DOCK3: variants seen among roughly 807,000 people sequenced by gnomAD.
The protein encoded by DOCK3 is dedicator of cytokinesis 3.
DOCK3 carries 60 observed loss-of-function variants against 265.6 expected under a neutral mutation model. The observed-to-expected ratio is 0.23, with a 90% confidence interval of 0.18 to 0.28. The LOEUF is 0.28. Among genes scored for constraint, DOCK3 ranks in the 10% least tolerant of loss-of-function variants. DOCK3 has a pLI of 1.00. For synonymous variants in DOCK3, 881 were observed against 938.0 expected, an observed-to-expected ratio of 0.94 and a Z score of 1.11; for missense variants, 1,981 against 2,594.3, an observed-to-expected ratio of 0.76 and a Z score of 5.14.
chr3:50,830,598 G>A (rs1240466130), intron 2 of DOCK3, among the ~76,000 whole-genome samples: 1 of 152,048 alleles, frequency 6.6e-6, no homozygotes, highest in Non-Finnish European at 1.5e-5. Context: ...TTTGTAAAGG[G>A]TTGCTGATTG....
chr3:51,055,019 T>C (rs2081146967), intron 5 of DOCK3, among the ~76,000 whole-genome samples: 1 of 152,232 alleles, frequency 6.6e-6, no homozygotes, highest in Non-Finnish European at 1.5e-5. Flanking sequence ...GAATGAGGCA[T>C]TAAAATGTTG....
intron 1 of DOCK3, among the ~76,000 whole-genome samples, chr3:50,744,560 G>A (rs201139046): frequency 6.6e-6 from 1 of 151,620 alleles, no homozygotes; most frequent in Non-Finnish European, 1.5e-5. Flanking sequence ...CAGTCTCCTA[G>A]GTAGCTGGGA....
intron 1 of DOCK3, among the ~76,000 whole-genome samples, chr3:50,697,706 T>A (rs1440020429): frequency 6.6e-6 from 1 of 152,246 alleles, no homozygotes; most frequent in African/African-American, 2.4e-5. Context: ...ATTATTGTTA[T>A]GGACTCATGG....
chr3:50,692,508 A>T (rs1212824039), intron 1 of DOCK3, among the ~76,000 whole-genome samples: 1 of 152,200 alleles, frequency 6.6e-6, no homozygotes, highest in African/African-American at 2.4e-5. Flanking sequence ...CTCAGGAGAT[A>T]ATGCTTGTTC....
At chr3:50,918,410 C>G (rs1474684442) in intron 4 of DOCK3, among the ~76,000 whole-genome samples, 2 of 152,166 alleles carry the variant, frequency 1.3e-5, no homozygotes, top group Admixed American at 1.3e-4. Context: ...TCCACATCCT[C>G]TCCAGCACCT....
chr3:50,971,071 C>A (rs2077220723), intron 5 of DOCK3, among the ~76,000 whole-genome samples: 1 of 144,374 alleles, frequency 6.9e-6, no homozygotes, highest in African/African-American at 2.6e-5. Context: ...CTCAAGTGAT[C>A]CTCTGGCTTT....
intron 5 of DOCK3, among the ~76,000 whole-genome samples, chr3:51,007,873 A>G (rs2078751315): frequency 6.6e-6 from 1 of 152,198 alleles, no homozygotes; most frequent in Admixed American, 6.5e-5. Flanking sequence ...TTTATTACAT[A>G]GAGAATCCTT....
chr3:50,746,237 G>T (rs2039433641), intron 1 of DOCK3, among the ~76,000 whole-genome samples: 1 of 151,428 alleles, frequency 6.6e-6, no homozygotes, highest in South Asian at 2.1e-4. Context: ...TTCCTGAGTA[G>T]CTAGGATTAC....
At chr3:51,290,446 A>C (rs2081669694) in intron 27 of DOCK3, among the ~76,000 whole-genome samples, 1 of 152,168 alleles carries the variant, frequency 6.6e-6, no homozygotes, top group African/African-American at 2.4e-5. Context: ...CAGAAATCCA[A>C]ACACCACATG....
intron 2 of DOCK3, among the ~76,000 whole-genome samples, chr3:50,841,219 C>G (rs1005476654): frequency 2.0e-5 from 3 of 152,152 alleles, no homozygotes; most frequent in Non-Finnish European, 2.9e-5. Context: ...GTGATCTGCA[C>G]TAGCAAGGAT....
At chr3:50,769,119 A>G (rs1226854855) in intron 1 of DOCK3, among the ~76,000 whole-genome samples, 1 of 150,920 alleles carries the variant, frequency 6.6e-6, no homozygotes, top group Admixed American at 6.6e-5. Flanking sequence ...TATATTCTGG[A>G]TATTAACATC....
intron 9 of DOCK3, among the ~76,000 whole-genome samples, chr3:51,107,589 T>C (rs551208730): frequency 8.9e-4 from 135 of 152,092 alleles, no homozygotes; most frequent in African/African-American, 3.2e-3. Context: ...GAGGAGAGAA[T>C]CTCAGAGCTT....
intron 12 of DOCK3, among the ~76,000 whole-genome samples, chr3:51,200,952 T>A (rs1313272348): frequency 1.1e-4 from 17 of 151,950 alleles, no homozygotes; most frequent in Admixed American, 2.0e-4. Flanking sequence ...AGAAATAAAA[T>A]CCTTTACAGA....
rs1477395744 is a variant in DOCK3, at chr3:51,357,791, C to A, written c.4717C>A (p.Pro1573Thr). 6.2e-7 allele frequency: 1 copy of A among 1,613,874 alleles called. No homozygotes were observed. The highest frequency in any genetic ancestry group is 8.5e-7 in the Non-Finnish European group (1 of 1,179,892). The change falls in exon 45 of 53, where the codon CCA (proline) becomes ACA (threonine). Residue 1573 changes from proline (P) to threonine (T), a missense_variant. Transcript: ENST00000266037. ...TGATAAAGATTACATCAACAAGCAC[C>A]CAGGAGATGCTGAGAAGATCACCCA... ...FFDKDYINKH[P>T]GDAEKITQLK...
intron 33 of DOCK3, 87 bp from the exon 34 acceptor site, chr3:51,332,914 C>T (rs1356691080): frequency 3.2e-6 from 5 of 1,571,962 alleles, no homozygotes; most frequent in Non-Finnish European, 3.5e-6. Flanking sequence ...TCCTTAGGAA[C>T]TTGTACATGG....
At chr3:51,159,631 A>T (rs2086037706) in intron 11 of DOCK3, among the ~76,000 whole-genome samples, 1 of 152,028 alleles carries the variant, frequency 6.6e-6, no homozygotes, top group Admixed American at 6.6e-5. Context: ...TCCCTCAGAG[A>T]TCTTATAGCA....
At chr3:51,333,388 G>T in intron 35 of DOCK3, 135 bp downstream of exon 35, 1 of 891,582 alleles carries the variant, frequency 1.1e-6, no homozygotes, top group Non-Finnish European at 1.8e-6. Flanking sequence ...GCCATCACCA[G>T]TCAATAGGAA....
At chr3:51,047,835 G>A (rs7614171) in intron 5 of DOCK3, among the ~76,000 whole-genome samples, 137,173 of 152,138 alleles carry the variant, frequency 0.9, 62,029 homozygotes, top group African/African-American at 0.95. Context: ...TCCAATCCTT[G>A]TTAACGCTTA....
intron 9 of DOCK3, among the ~76,000 whole-genome samples, chr3:51,113,374 C>T (rs1367837077): frequency 6.6e-6 from 1 of 152,100 alleles, no homozygotes; most frequent in African/African-American, 2.4e-5. Context: ...ACAACAATTC[C>T]CCTTCAGTTG....
Sources: gnomAD v4.1 joint callset for allele counts (sites outside exome capture counted in the v4.1 genomes callset) on GRCh38, gnomAD v4.1.1 for gene constraint, MANE v1.5 for transcripts, NCBI Gene and HGNC (gene_info 2026-07-23, HGNC 2026-07-21) for gene names.